TAFA1: variants seen among roughly 807,000 people sequenced by gnomAD.
TAFA1 encodes chemokine-like protein TAFA-1.
In TAFA1, 4 loss-of-function variants were observed where a neutral mutation model predicts 18.5. The observed-to-expected ratio is 0.22, with a 90% CI of 0.11 to 0.49. The LOEUF (loss-of-function observed/expected upper bound fraction) is 0.49, where lower values mean the gene tolerates loss of function less well. Among genes scored for constraint, TAFA1 ranks in the 20% least tolerant of loss-of-function variants. The probability of loss-of-function intolerance (pLI) is 0.98; values close to 1 mark genes in which losing one functional copy is unlikely to be tolerated. For synonymous variants in TAFA1, 56 were observed against 55.2 expected (o/e 1.01, Z -0.06); for missense variants, 147 against 169.0 (o/e 0.87, Z 0.72).
intron 2 of TAFA1, among the ~76,000 whole-genome samples, chr3:68,045,963 A>T (rs1192647864): frequency 6.6e-6 from 1 of 152,152 alleles, no homozygotes; most frequent in Admixed American, 6.5e-5. Flanking sequence ...TAATTACTAA[A>T]GTTTTGGGAA....
intron 2 of TAFA1, among the ~76,000 whole-genome samples, chr3:68,070,302 G>A (rs1247037881): frequency 6.6e-6 from 1 of 152,188 alleles, no homozygotes; most frequent in East Asian, 1.9e-4. Context: ...CTAAGACTTG[G>A]GACTTGCACC....
At chr3:68,335,650 G>T (rs2068957980) in intron 2 of TAFA1, among the ~76,000 whole-genome samples, 1 of 152,026 alleles carries the variant, frequency 6.6e-6, no homozygotes, top group Non-Finnish European at 1.5e-5. Flanking sequence ...TATACGTAAT[G>T]GTATCAGACA....
intron 2 of TAFA1, among the ~76,000 whole-genome samples, chr3:68,037,319 G>T (rs78960331): frequency 0.023 from 3,462 of 152,224 alleles, 148 homozygotes; most frequent in African/African-American, 0.079. Flanking sequence ...AAGAGGAAAG[G>T]ACCAGATGTG....
At chr3:68,203,818 ATAGTGT>A (rs1309717419) in intron 2 of TAFA1, among the ~76,000 whole-genome samples, 2 of 151,672 alleles carry the variant, frequency 1.3e-5, no homozygotes, top group Non-Finnish European at 2.9e-5. Context: ...GGTTAAGAAC[ATAGTGT>A]TCTGGTATAT....
chr3:68,119,596 G>T (rs2065363958), intron 2 of TAFA1, among the ~76,000 whole-genome samples: 1 of 151,586 alleles, frequency 6.6e-6, no homozygotes, highest in African/African-American at 2.4e-5. Context: ...TTTGCGTGTG[G>T]ATATCCAGTT....
chr3:68,468,459 C>G (rs972049953), intron 3 of TAFA1, among the ~76,000 whole-genome samples: 1 of 152,130 alleles, frequency 6.6e-6, no homozygotes, highest in Non-Finnish European at 1.5e-5. Flanking sequence ...AGACGTGAAC[C>G]AAATTACTCT....
At chr3:68,016,572 T>C (rs959369260) in intron 2 of TAFA1, among the ~76,000 whole-genome samples, 2 of 152,238 alleles carry the variant, frequency 1.3e-5, no homozygotes, top group African/African-American at 2.4e-5. Context: ...AGCAATAATC[T>C]ATATCATATA....
intron 3 of TAFA1, among the ~76,000 whole-genome samples, chr3:68,486,914 A>C (rs1338156309): frequency 6.6e-6 from 1 of 152,200 alleles, no homozygotes; most frequent in Non-Finnish European, 1.5e-5. Context: ...TTTTTAAAAC[A>C]ATTTAAAACC....
At chr3:68,112,646 GA>G (rs1276095540) in intron 2 of TAFA1, among the ~76,000 whole-genome samples, 1 of 151,688 alleles carries the variant, frequency 6.6e-6, no homozygotes, top group Non-Finnish European at 1.5e-5. Flanking sequence ...AGTAATGCAA[GA>G]AAAAAATAAG....
At chr3:68,461,484 C>T (rs970948508) in intron 3 of TAFA1, among the ~76,000 whole-genome samples, 10 of 150,952 alleles carry the variant, frequency 6.6e-5, no homozygotes, top group South Asian at 2.1e-4. Context: ...TGTTCTCAGC[C>T]GCTCTGGCTG....
intron 3 of TAFA1, among the ~76,000 whole-genome samples, chr3:68,462,497 C>A (rs1160752042): frequency 2.0e-5 from 3 of 152,150 alleles, no homozygotes; most frequent in African/African-American, 4.8e-5. Flanking sequence ...CCATGTGGAA[C>A]TGTGAGTCAA....
At chr3:68,406,142 T>C (rs1401097185) in intron 2 of TAFA1, among the ~76,000 whole-genome samples, 2 of 152,202 alleles carry the variant, frequency 1.3e-5, no homozygotes, top group Non-Finnish European at 1.5e-5. Flanking sequence ...AAAATTATAT[T>C]AGATATTAGT....
intron 2 of TAFA1, among the ~76,000 whole-genome samples, chr3:68,412,685 G>A (rs1041031674): frequency 3.9e-5 from 6 of 151,980 alleles, no homozygotes; most frequent in African/African-American, 1.5e-4. Context: ...CTTCATCCAT[G>A]TCCCTACAAA....
At chr3:68,300,749 T>C (rs1278509384) in intron 2 of TAFA1, among the ~76,000 whole-genome samples, 1 of 151,926 alleles carries the variant, frequency 6.6e-6, no homozygotes, top group African/African-American at 2.4e-5. Flanking sequence ...TGCAGTTTCC[T>C]CCATGCTGTT....
intron 3 of TAFA1, among the ~76,000 whole-genome samples, chr3:68,424,496 A>T (rs1486251811): frequency 6.6e-6 from 1 of 151,976 alleles, no homozygotes; most frequent in Non-Finnish European, 1.5e-5. Flanking sequence ...ATGTAACTTT[A>T]ATTTTTTTTT....
Position 68,081,058 on chromosome 3 carries a change from T to G in TAFA1, c.118+74314T>G, listed in dbSNP as rs1575606210. On this transcript the variant is annotated intron_variant, in intron 2 of 4. Coordinates refer to ENST00000478136, the MANE Select transcript of TAFA1 (RefSeq NM_213609.4). ...AACTTCCCTTCTTGCTTCATTTCATTCATTTCATCTTCCATCACTGATACC... is the reference window on the plus strand; with the variant it reads ...AACTTCCCTTCTTGCTTCATTTCATGCATTTCATCTTCCATCACTGATACC... 2.6e-5 allele frequency among the ~76,000 whole-genome samples: 4 copies of G among 152,208 alleles called. No individual in the cohort carries two copies. In the South Asian group the frequency reaches 8.3e-4, roughly 32 times the overall value.
chr3:68,272,377 G>T (rs980274636), intron 2 of TAFA1, among the ~76,000 whole-genome samples: 2 of 152,064 alleles, frequency 1.3e-5, no homozygotes, highest in African/African-American at 4.8e-5. Flanking sequence ...TCAAAGATTT[G>T]ACAAATTTAC....
At chr3:68,530,702 G>T (rs2073176230) in intron 3 of TAFA1, among the ~76,000 whole-genome samples, 1 of 152,052 alleles carries the variant, frequency 6.6e-6, no homozygotes, top group Admixed American at 6.6e-5. Flanking sequence ...TTCGAAAATG[G>T]TTCACTTGTG....
the TAFA1 span, among the ~76,000 whole-genome samples, chr3:67,993,391 G>C: frequency 6.6e-6 from 1 of 152,180 alleles, no homozygotes; most frequent in African/African-American, 2.4e-5. Flanking sequence ...ACTGTAAGGC[G>C]GAAGCAGCAA....
Sources: allele counts gnomAD v4.1 joint callset (sites outside exome capture counted in the v4.1 genomes callset), GRCh38; gene constraint gnomAD v4.1.1; transcripts MANE v1.5; gene names NCBI Gene and HGNC (gene_info 2026-07-23, HGNC 2026-07-21).